Variants in CELF2 observed in about 807,000 individuals in gnomAD.
The protein encoded by CELF2 is CUGBP Elav-like family member 2, also known as CUG triplet repeat RNA-binding protein 2.
In CELF2, 8 loss-of-function variants were observed where a neutral mutation model predicts 62.6. The observed-to-expected ratio is 0.13, with a 90% CI of 0.07 to 0.23. The LOEUF (loss-of-function observed/expected upper bound fraction) is 0.23, where lower values mean the gene tolerates loss of function less well. Among genes scored for constraint, CELF2 ranks in the 10% least tolerant of loss-of-function variants. The pLI is 1.00. For missense variants in CELF2, 333 were observed against 671.0 expected (o/e 0.50, Z 5.56); for synonymous variants, 258 against 250.0 (o/e 1.03, Z -0.30).
At chr10:11,236,474 G>A (rs146130402) in intron 3 of CELF2, among the ~76,000 whole-genome samples, 88 of 152,332 alleles carry the variant, frequency 5.8e-4, no homozygotes, top group African/African-American at 2.1e-3. Context: ...AGAGGGTAGT[G>A]TTGTTTTAAG....
At chr10:10,616,064 A>G in the CELF2 span, among the ~76,000 whole-genome samples, 1 of 152,118 alleles carries the variant, frequency 6.6e-6, no homozygotes, top group East Asian at 1.9e-4. Flanking sequence ...GTATCTAAAC[A>G]GAAACATAAG....
intron 1 of CELF2, among the ~76,000 whole-genome samples, chr10:11,056,327 A>G (rs2065231405): frequency 6.6e-6 from 1 of 152,262 alleles, no homozygotes; most frequent in Non-Finnish European, 1.5e-5. Flanking sequence ...CGATGTTTTT[A>G]TAAATCACGT....
At chr10:10,834,261 A>G (rs35098646) in intron 1 of CELF2, among the ~76,000 whole-genome samples, 19,392 of 151,978 alleles carry the variant, frequency 0.13, 1,611 homozygotes, top group Non-Finnish European at 0.19. Flanking sequence ...CTAAATGATG[A>G]GAACAGACGG....
At chr10:10,487,246 T>C in the CELF2 span, among the ~76,000 whole-genome samples, 1 of 152,214 alleles carries the variant, frequency 6.6e-6, no homozygotes, top group South Asian at 2.1e-4. Context: ...GCCAATGTTT[T>C]ACTTATAGCA....
At chr10:11,143,274 C>A (rs56168839) in intron 1 of CELF2, among the ~76,000 whole-genome samples, 16 of 152,292 alleles carry the variant, frequency 1.1e-4, no homozygotes, top group African/African-American at 3.6e-4. Flanking sequence ...TTCTAATATC[C>A]AGTTTAATGA....
chr10:10,724,932 G>T, the CELF2 span, among the ~76,000 whole-genome samples: 2 of 147,660 alleles, frequency 1.4e-5, no homozygotes, highest in African/African-American at 5.0e-5. Flanking sequence ...TCTGAAGGGG[G>T]CATGATTTTT....
At chr10:10,882,058 C>G (rs1564762856) in intron 1 of CELF2, among the ~76,000 whole-genome samples, 1 of 152,200 alleles carries the variant, frequency 6.6e-6, no homozygotes, top group Non-Finnish European at 1.5e-5. Flanking sequence ...GGATTGCTAT[C>G]CTAACTCTGA....
the CELF2 span, among the ~76,000 whole-genome samples, chr10:10,679,847 T>G: frequency 6.6e-6 from 1 of 152,228 alleles, no homozygotes; most frequent in Non-Finnish European, 1.5e-5. Context: ...CTTTTTCTCC[T>G]TCAATTTAGA....
intron 2 of CELF2, among the ~76,000 whole-genome samples, chr10:10,985,250 ACTTATT>A (rs1413843916): frequency 3.9e-5 from 6 of 152,034 alleles, no homozygotes; most frequent in South Asian, 4.1e-4. Flanking sequence ...CATTTTGAAA[ACTTATT>A]CTTAATACAC....
At chr10:11,125,186 G>A (rs2058465437) in intron 1 of CELF2, among the ~76,000 whole-genome samples, 1 of 152,108 alleles carries the variant, frequency 6.6e-6, no homozygotes, top group Non-Finnish European at 1.5e-5. Flanking sequence ...GGACCTCTGG[G>A]CCCAGCTGAG....
chr10:10,471,592 AT>A, the CELF2 span, among the ~76,000 whole-genome samples: 2 of 151,574 alleles, frequency 1.3e-5, no homozygotes, highest in Non-Finnish European at 3.0e-5. Flanking sequence ...GTATATTTCC[AT>A]TTACTTTCTG....
At chr10:10,741,349 A>G in the CELF2 span, among the ~76,000 whole-genome samples, 32,577 of 151,904 alleles carry the variant, frequency 0.21, 3,942 homozygotes, top group African/African-American at 0.33. Context: ...CATCTCTTCT[A>G]AAAATACAAA....
the CELF2 span, among the ~76,000 whole-genome samples, chr10:10,719,339 G>A: frequency 2.6e-5 from 4 of 152,134 alleles, no homozygotes; most frequent in Non-Finnish European, 2.9e-5. Flanking sequence ...GCTCACTGCG[G>A]CCTCAAAGTT....
chr10:10,554,588 T>G, the CELF2 span, among the ~76,000 whole-genome samples: 1 of 152,152 alleles, frequency 6.6e-6, no homozygotes. Flanking sequence ...CCTGCACAGG[T>G]CAGTCTTTGC....
At chr10:10,504,001 C>T in the CELF2 span, among the ~76,000 whole-genome samples, 1 of 151,930 alleles carries the variant, frequency 6.6e-6, no homozygotes, top group Non-Finnish European at 1.5e-5. Context: ...GTATAGAAAC[C>T]TTATCTTCCT....
At chr10:11,215,976 T>C (rs1175959996) in intron 2 of CELF2, among the ~76,000 whole-genome samples, 20 of 152,200 alleles carry the variant, frequency 1.3e-4, no homozygotes, top group Admixed American at 1.0e-3. Flanking sequence ...TGGATTCTGG[T>C]CAAAGAACTC....
chr10:11,077,423 T>G (rs2072361026), intron 1 of CELF2, among the ~76,000 whole-genome samples: 1 of 152,158 alleles, frequency 6.6e-6, no homozygotes, highest in South Asian at 2.1e-4. Context: ...ACTGAAGGCA[T>G]TGTAAGGCTT....
chr10:11,302,658 G>C lies in CELF2; in HGVS notation c.977-11481G>C, dbSNP rs1279406117. 6.6e-6 allele frequency among the ~76,000 whole-genome samples: 1 copy of C among 152,222 alleles called. No individual in the cohort carries two copies. Among genetic ancestry groups the C allele is most frequent in the African/African-American group, 2.4e-5 (1 of 41,454 alleles). On this transcript the variant is annotated intron_variant, in intron 9 of 12. Transcript: ENST00000633077. This position sits in a 1 kb window ranked among gnomAD's most constrained non-coding sequence, Gnocchi z 5.0. ...CTGTGATCTGGTCATTTAGGATCGA[G>C]TTGGGTGTACTTGGTGTGGCAGCTG...
At chr10:10,629,416 A>C in the CELF2 span, among the ~76,000 whole-genome samples, 1 of 152,190 alleles carries the variant, frequency 6.6e-6, no homozygotes, top group African/African-American at 2.4e-5. Context: ...AGCCCAGCTT[A>C]CTGGATGAGT....
Sources: allele counts gnomAD v4.1 joint callset (sites outside exome capture counted in the v4.1 genomes callset), GRCh38; gene constraint gnomAD v4.1.1; non-coding constraint Gnocchi (gnomAD v3.1); transcripts MANE v1.5; gene names NCBI Gene and HGNC (gene_info 2026-07-23, HGNC 2026-07-21).